The following RBFOX1 variants were observed in gnomAD, a reference collection of about 807,000 sequenced individuals.
RBFOX1 encodes RNA binding fox-1 homolog 1.
A neutral mutation model predicts 57.7 loss-of-function variants in RBFOX1; 8 were observed. That is an observed-to-expected ratio of 0.14 (90% CI 0.08 to 0.25). The LOEUF (loss-of-function observed/expected upper bound fraction) is 0.25. Ranked by LOEUF, RBFOX1 falls within the 10% of genes least tolerant of loss-of-function variation. The probability of loss-of-function intolerance (pLI) is 1.00; values close to 1 mark genes in which losing one functional copy is unlikely to be tolerated. For synonymous variants in RBFOX1, 326 were observed against 222.4 expected (o/e 1.47, Z -4.15); for missense variants, 611 against 548.5 (o/e 1.11, Z -1.14).
chr16:6,735,697 C>T (rs1469946662), intron 3 of RBFOX1, among the ~76,000 whole-genome samples: 5 of 152,138 alleles, frequency 3.3e-5, no homozygotes, highest in Non-Finnish European at 7.4e-5. Flanking sequence ...GGTTGCATTT[C>T]CCCTAGAAAC....
At chr16:7,618,283 C>G (rs1175143136) in intron 10 of RBFOX1, among the ~76,000 whole-genome samples, 1 of 152,074 alleles carries the variant, frequency 6.6e-6, no homozygotes, top group African/African-American at 2.4e-5. Flanking sequence ...TGAGTTAGTA[C>G]TTGTATCTAT....
At chr16:6,508,269 C>T (rs4786875) in intron 2 of RBFOX1, among the ~76,000 whole-genome samples, 2 of 151,944 alleles carry the variant, frequency 1.3e-5, no homozygotes, top group Admixed American at 1.3e-4. Flanking sequence ...TGGGTACTAG[C>T]CTTATTACCT....
At chr16:7,042,902 G>T (rs1426838447) in intron 3 of RBFOX1, among the ~76,000 whole-genome samples, 1 of 152,090 alleles carries the variant, frequency 6.6e-6, no homozygotes, top group Non-Finnish European at 1.5e-5. Flanking sequence ...CTCCAGCCTG[G>T]GTGACAGAGG....
intron 2 of RBFOX1, among the ~76,000 whole-genome samples, chr16:5,467,435 T>A (rs143007094): frequency 6.6e-6 from 1 of 152,294 alleles, no homozygotes; most frequent in East Asian, 1.9e-4. Context: ...GGAAGGCTCA[T>A]GAGATCAAAC....
intron 3 of RBFOX1, among the ~76,000 whole-genome samples, chr16:5,692,026 T>A (rs897053555): frequency 6.6e-6 from 1 of 152,178 alleles, no homozygotes; most frequent in African/African-American, 2.4e-5. Flanking sequence ...TTTTTTATTT[T>A]TTTTTGCCAT....
chr16:6,804,082 C>A (rs2086134557), intron 3 of RBFOX1, among the ~76,000 whole-genome samples: 1 of 152,044 alleles, frequency 6.6e-6, no homozygotes, highest in Non-Finnish European at 1.5e-5. Flanking sequence ...TCTCAGCTCG[C>A]TGCAACCTCT....
intron 3 of RBFOX1, among the ~76,000 whole-genome samples, chr16:5,777,007 A>G (rs1203121265): frequency 6.6e-6 from 1 of 152,244 alleles, no homozygotes; most frequent in Non-Finnish European, 1.5e-5. Context: ...TATGGCCACC[A>G]TATGGTGTAG....
chr16:6,639,495 T>C (rs1040910556), intron 2 of RBFOX1, among the ~76,000 whole-genome samples: 2 of 152,170 alleles, frequency 1.3e-5, no homozygotes, highest in Non-Finnish European at 2.9e-5. Context: ...AGACAGTTTT[T>C]AGAAACATCT....
chr16:6,542,252 G>C (rs1599335373), intron 2 of RBFOX1, among the ~76,000 whole-genome samples: 2 of 151,972 alleles, frequency 1.3e-5, no homozygotes, highest in African/African-American at 4.8e-5. Context: ...ATAATCTTGA[G>C]ATCTATAAGC....
intron 2 of RBFOX1, among the ~76,000 whole-genome samples, chr16:5,469,854 A>G (rs996030752): frequency 1.3e-5 from 2 of 152,232 alleles, no homozygotes; most frequent in African/African-American, 2.4e-5. Flanking sequence ...TGGCTGAATA[A>G]TATTCCATTG....
chr16:6,575,836 GAC>G (rs1255951912), intron 2 of RBFOX1, among the ~76,000 whole-genome samples: 3 of 150,864 alleles, frequency 2.0e-5, no homozygotes, highest in Non-Finnish European at 2.9e-5. Context: ...TAGTCTGGGT[GAC>G]AGAGTGAGAC....
At chr16:5,252,077 A>G (rs1275425326) in intron 1 of RBFOX1, among the ~76,000 whole-genome samples, 2 of 151,970 alleles carry the variant, frequency 1.3e-5, no homozygotes, top group Non-Finnish European at 2.9e-5. Flanking sequence ...TCATTAGGAC[A>G]CCTCCAAGCC....
At chr16:7,415,039 C>G (rs1194647386) in intron 4 of RBFOX1, among the ~76,000 whole-genome samples, 1 of 152,234 alleles carries the variant, frequency 6.6e-6, no homozygotes, top group African/African-American at 2.4e-5. Flanking sequence ...ATGGCTCTTT[C>G]TATACTCTAC....
intron 4 of RBFOX1, among the ~76,000 whole-genome samples, chr16:7,287,974 GT>G (rs1416489094): frequency 1.3e-4 from 20 of 152,266 alleles, no homozygotes; most frequent in South Asian, 1.0e-3. Flanking sequence ...GTGACTGGCT[GT>G]TGAACGAAAA....
At chr16:6,687,833 T>G (rs2059661071) in intron 3 of RBFOX1, among the ~76,000 whole-genome samples, 1 of 152,048 alleles carries the variant, frequency 6.6e-6, no homozygotes, top group Admixed American at 6.6e-5. Context: ...CCAACCTAAC[T>G]CCAAAGGAGT....
chr16:7,155,326 C>A (rs1408533873), intron 4 of RBFOX1, among the ~76,000 whole-genome samples: 2 of 151,998 alleles, frequency 1.3e-5, no homozygotes, highest in Non-Finnish European at 2.9e-5. Context: ...GGTACAGTGG[C>A]TACTTGTGAT....
chr16:6,054,044 G>T (rs2095584757), intron 1 of RBFOX1, among the ~76,000 whole-genome samples: 1 of 151,952 alleles, frequency 6.6e-6, no homozygotes, highest in African/African-American at 2.4e-5. Context: ...ATGAGACCCT[G>T]TTTCAAAAAA....
chr16:5,607,011 T>C (rs527716852), intron 3 of RBFOX1, among the ~76,000 whole-genome samples: 5 of 152,266 alleles, frequency 3.3e-5, no homozygotes, highest in East Asian at 3.9e-4. Flanking sequence ...TGGATCCAAT[T>C]TGCATTTTAG....
chr16:7,030,862 T>C (rs1193030901), intron 3 of RBFOX1, among the ~76,000 whole-genome samples: 1 of 152,204 alleles, frequency 6.6e-6, no homozygotes, highest in Admixed American at 6.5e-5. Context: ...TTTTCTTTTG[T>C]CTTAGGGGAG....
Sources: allele counts gnomAD v4.1 joint callset (sites outside exome capture counted in the v4.1 genomes callset), GRCh38; gene constraint gnomAD v4.1.1; transcripts MANE v1.5; gene names NCBI Gene and HGNC (gene_info 2026-07-23, HGNC 2026-07-21).